ITGA9: variants seen among roughly 807,000 people sequenced by gnomAD.
The protein encoded by ITGA9 is integrin subunit alpha 9.
Under a neutral mutation model 127.8 loss-of-function variants are expected in ITGA9, and 56 were observed. That is an observed-to-expected ratio of 0.44 (90% CI 0.35 to 0.55). The LOEUF (loss-of-function observed/expected upper bound fraction) is 0.55. Among genes scored for constraint, ITGA9 ranks in the 20% least tolerant of loss-of-function variants. ITGA9 has a pLI of 0.00. For synonymous variants in ITGA9, 508 were observed against 514.5 expected, an observed-to-expected ratio of 0.99 and a Z score of 0.17; for missense variants, 1,196 against 1,347.1, an observed-to-expected ratio of 0.89 and a Z score of 1.76.
chr3:37,576,761 T>C (rs1484398256), intron 15 of ITGA9, among the ~76,000 whole-genome samples: 2 of 152,186 alleles, frequency 1.3e-5, no homozygotes, highest in Admixed American at 6.5e-5. Flanking sequence ...ACCACCACCA[T>C]GCCTGCCTAA....
chr3:37,571,465 A>G (rs1699601550), intron 15 of ITGA9, among the ~76,000 whole-genome samples: 1 of 152,196 alleles, frequency 6.6e-6, no homozygotes, highest in Non-Finnish European at 1.5e-5. Flanking sequence ...GGACAAGATG[A>G]ACTAGAGCCC....
chr3:37,680,895 T>A (rs1367583668), intron 17 of ITGA9, among the ~76,000 whole-genome samples: 1 of 152,254 alleles, frequency 6.6e-6, no homozygotes, highest in East Asian at 1.9e-4. Context: ...AGGGTCTTAA[T>A]TTATTGGAGG....
At chr3:37,487,974 C>T (rs781478637) in intron 4 of ITGA9, among the ~76,000 whole-genome samples, 5 of 152,192 alleles carry the variant, frequency 3.3e-5, no homozygotes, top group Non-Finnish European at 7.3e-5. Flanking sequence ...CGTGGGTCCT[C>T]AGACTGATAA....
chr3:37,629,050 A>G lies in ITGA9; in HGVS notation c.1690-137A>G. The G allele has an allele frequency of 9.7e-7, 1 of 1,029,798 alleles. No individual in the cohort carries two copies. The allele number at this position is 1,029,798 out of a possible 1,614,324, so 63.8% of individuals were successfully genotyped here. A position where few individuals can be genotyped will look rare whatever the true frequency, so the allele number is the denominator to read the frequency against. Reference sequence around the variant, plus strand: ...TTACCTCATTTAAAATATGAAAGTCATAAAACCCTACCTCACGAGGGTGAT... The same window carrying G: ...TTACCTCATTTAAAATATGAAAGTCGTAAAACCCTACCTCACGAGGGTGAT... On this transcript the variant is annotated intron_variant, in intron 15 of 27. Transcript: ENST00000264741. This position sits in a 1 kb window ranked among gnomAD's most constrained non-coding sequence, Gnocchi z 4.5.
At chr3:37,578,171 G>A (rs1030153885) in intron 15 of ITGA9, among the ~76,000 whole-genome samples, 1 of 152,156 alleles carries the variant, frequency 6.6e-6, no homozygotes, top group Non-Finnish European at 1.5e-5. Flanking sequence ...ACTCTACTGT[G>A]GTTCCATTTG....
chr3:37,590,164 G>A (rs1028501558), intron 15 of ITGA9, among the ~76,000 whole-genome samples: 2 of 152,108 alleles, frequency 1.3e-5, no homozygotes, highest in East Asian at 3.9e-4. Flanking sequence ...AGGCAGCCTG[G>A]GGGTGCTTGC....
chr3:37,463,662 A>T (rs1698339469), intron 1 of ITGA9, among the ~76,000 whole-genome samples: 1 of 152,206 alleles, frequency 6.6e-6, no homozygotes, highest in Admixed American at 6.5e-5. Context: ...AGGCAGAAAC[A>T]CATTTCATCT....
intron 26 of ITGA9, chr3:37,789,850 T>G (rs1228567008): frequency 2.5e-6 from 1 of 394,528 alleles, no homozygotes; most frequent in Non-Finnish European, 4.6e-6. Context: ...TAATTTAATA[T>G]GCCAAAAATG....
intron 27 of ITGA9, chr3:37,818,251 CTTTTTTTTTTT>C (rs1165189273): frequency 1.8e-5 from 1 of 57,026 alleles, no homozygotes; most frequent in African/African-American, 6.0e-5. Context: ...ACCATGAAAC[CTTTTTTTTTTT>C]TTTTTTTTTT....
intron 4 of ITGA9, among the ~76,000 whole-genome samples, chr3:37,485,619 A>G (rs182396042): frequency 9.5e-4 from 145 of 152,292 alleles, no homozygotes; most frequent in Admixed American, 2.0e-3. Flanking sequence ...CTCCTTTACA[A>G]CATTGGAAGG....
intron 18 of ITGA9, among the ~76,000 whole-genome samples, chr3:37,726,890 A>G (rs979806824): frequency 6.6e-6 from 1 of 152,234 alleles, no homozygotes; most frequent in South Asian, 2.1e-4. Context: ...TGATCCTGAG[A>G]GTAATGTGCA....
At chr3:37,786,045 T>C (rs1697037624) in intron 26 of ITGA9, among the ~76,000 whole-genome samples, 1 of 150,888 alleles carries the variant, frequency 6.6e-6, no homozygotes, top group Non-Finnish European at 1.5e-5. Context: ...GGGTTCATCC[T>C]GTATTTGATG....
intron 15 of ITGA9, among the ~76,000 whole-genome samples, chr3:37,543,619 C>A (rs1210310106): frequency 6.6e-6 from 1 of 152,158 alleles, no homozygotes; most frequent in Non-Finnish European, 1.5e-5. Context: ...TCATATAGCT[C>A]AACCCAATAT....
chr3:37,819,080 T>C lies in ITGA9; in HGVS notation c.*91T>C. On this transcript the variant is annotated 3_prime_UTR_variant, in exon 28 of 28. Transcript: ENST00000264741. Reference sequence around the variant, plus strand: ...TTGGAAGAAAAAAATCTTCTCCAGATTTTTCGGAGGCCCCACTGATGCTGT... The same window carrying C: ...TTGGAAGAAAAAAATCTTCTCCAGACTTTTCGGAGGCCCCACTGATGCTGT... The C allele has an allele frequency of 1.0e-6, 1 of 985,230 alleles. No homozygotes were observed. Among genetic ancestry groups the C allele is most frequent in the Non-Finnish European group, 1.6e-6 (1 of 625,450 alleles). 61.0% of individuals were successfully genotyped at this position (985,230 alleles called of 1,614,324 possible). A position where few individuals can be genotyped will look rare whatever the true frequency, so the allele number is the denominator to read the frequency against.
intron 15 of ITGA9, among the ~76,000 whole-genome samples, chr3:37,594,289 G>A (rs1308649143): frequency 1.3e-5 from 2 of 152,188 alleles, no homozygotes; most frequent in South Asian, 4.1e-4. Flanking sequence ...CTGGGGAGGG[G>A]ACTCACATCT....
chr3:37,589,969 G>T (rs1358244325), intron 15 of ITGA9, among the ~76,000 whole-genome samples: 2 of 152,098 alleles, frequency 1.3e-5, no homozygotes, highest in African/African-American at 4.8e-5. Flanking sequence ...CCTGCCCCAG[G>T]CTCACTGCCC....
At chr3:37,776,171 G>C (rs1044212570) in intron 23 of ITGA9, among the ~76,000 whole-genome samples, 1 of 152,160 alleles carries the variant, frequency 6.6e-6, no homozygotes, top group African/African-American at 2.4e-5. Flanking sequence ...ACAGACACTG[G>C]AGTCTATTTG....
intron 1 of ITGA9, among the ~76,000 whole-genome samples, chr3:37,466,779 G>A (rs1270022961): frequency 1.3e-5 from 2 of 152,232 alleles, no homozygotes; most frequent in East Asian, 3.8e-4. Flanking sequence ...CACACTTGAA[G>A]TAGCAAGCAA....
intron 17 of ITGA9, among the ~76,000 whole-genome samples, chr3:37,673,337 C>G (rs932693658): frequency 6.6e-6 from 1 of 152,140 alleles, no homozygotes; most frequent in Non-Finnish European, 1.5e-5. Flanking sequence ...CCCACCTTTC[C>G]CCTGTGAGAC....
Sources: allele counts gnomAD v4.1 joint callset (sites outside exome capture counted in the v4.1 genomes callset), GRCh38; gene constraint gnomAD v4.1.1; non-coding constraint Gnocchi (gnomAD v3.1); transcripts MANE v1.5; gene names NCBI Gene and HGNC (gene_info 2026-07-23, HGNC 2026-07-21).